EIPR1: variants seen among roughly 807,000 people sequenced by gnomAD.
The protein encoded by EIPR1 is EARP complex and GARP complex interacting protein 1.
EIPR1 carries 25 observed loss-of-function variants against 48.1 expected under a neutral mutation model. The observed-to-expected ratio is 0.52, with a 90% CI of 0.38 to 0.73. The LOEUF (loss-of-function observed/expected upper bound fraction) is 0.73, where lower values mean the gene tolerates loss of function less well. EIPR1 is among the 30% of genes least tolerant of loss of function. The pLI is 0.00. For missense variants in EIPR1, 415 were observed against 506.2 expected (o/e 0.82, Z 1.73); for synonymous variants, 204 against 201.9 (o/e 1.01, Z -0.09).
At chr2:3,339,881 C>T (rs970498272) in intron 2 of EIPR1, among the ~76,000 whole-genome samples, 28 of 152,324 alleles carry the variant, frequency 1.8e-4, no homozygotes, top group East Asian at 1.7e-3. Flanking sequence ...ACCCGGGAGG[C>T]GGAGCCTGCA....
At chr2:3,370,696 T>C (rs1450193919) in intron 1 of EIPR1, among the ~76,000 whole-genome samples, 1 of 151,892 alleles carries the variant, frequency 6.6e-6, no homozygotes, top group Non-Finnish European at 1.5e-5. Context: ...GAAAAAAGAA[T>C]AAAAAGAAAT....
At chr2:3,337,408 A>G (rs1183860656) in intron 3 of EIPR1, among the ~76,000 whole-genome samples, 1 of 152,200 alleles carries the variant, frequency 6.6e-6, no homozygotes, top group Admixed American at 6.5e-5. Flanking sequence ...ATGGTAGAGA[A>G]AGAGATCCTA....
At chr2:3,251,145 G>A (rs966779715) in intron 4 of EIPR1, among the ~76,000 whole-genome samples, 7 of 152,244 alleles carry the variant, frequency 4.6e-5, no homozygotes, top group African/African-American at 7.2e-5. Context: ...GGCGGCCAGC[G>A]GTCTGCTGAA....
At chr2:3,375,917 T>G (rs1204637331) in intron 1 of EIPR1, among the ~76,000 whole-genome samples, 1 of 152,184 alleles carries the variant, frequency 6.6e-6, no homozygotes. Context: ...ACTGGTCAAA[T>G]CCTATAGCAC....
At chr2:3,260,535 G>GAGGA (rs1667302212) in intron 3 of EIPR1, among the ~76,000 whole-genome samples, 1 of 126,560 alleles carries the variant, frequency 7.9e-6, no homozygotes, top group Non-Finnish European at 1.7e-5. Context: ...GGGAGGGAGG[G>GAGGA]AGGGAAGGAG....
intron 2 of EIPR1, among the ~76,000 whole-genome samples, chr2:3,346,630 A>G (rs1338796455): frequency 1.3e-5 from 2 of 152,222 alleles, no homozygotes; most frequent in Non-Finnish European, 2.9e-5. Flanking sequence ...CAGGAATCCT[A>G]TAACATGAAG....
In EIPR1 at chr2:3,283,960, A is replaced by AG. The variant is rs1558272131; in HGVS notation, c.260-26506_260-26505insC. On this transcript the variant is annotated intron_variant, in intron 3 of 8. Coordinates refer to ENST00000382125, the MANE Select transcript of EIPR1 (RefSeq NM_003310.5). Reference sequence around the variant, plus strand: ...GACTACATCTAAAAAAAAAAAAAAAAAAAAAGAAAGAAAGAAAAAAAGAAA... The same window carrying AG: ...GACTACATCTAAAAAAAAAAAAAAAAGAAAAAGAAAGAAAGAAAAAAAGAAA... Among the ~76,000 whole-genome samples, 139 of 151,190 alleles carry AG rather than the reference A, an allele frequency of 9.2e-4. 1 individual carries two copies. The highest frequency in any genetic ancestry group is 2.6e-3 in the African/African-American group (108 of 41,324).
chr2:3,258,788 T>A (rs952072447), intron 3 of EIPR1, among the ~76,000 whole-genome samples: 3 of 152,212 alleles, frequency 2.0e-5, no homozygotes, highest in African/African-American at 7.2e-5. Flanking sequence ...CCATTTTATA[T>A]ACCATATTGG....
intron 5 of EIPR1, among the ~76,000 whole-genome samples, chr2:3,210,642 T>G (rs1665415737): frequency 6.8e-6 from 1 of 146,050 alleles, no homozygotes; most frequent in South Asian, 2.3e-4. Context: ...TTTTTTTTTT[T>G]TTTTTTGAGA....
At chr2:3,256,022 ACT>A (rs1415380265) in intron 4 of EIPR1, among the ~76,000 whole-genome samples, 1 of 151,712 alleles carries the variant, frequency 6.6e-6, no homozygotes, top group African/African-American at 2.4e-5. Context: ...GGACTTTGGG[ACT>A]CTTCATCTGC....
intron 4 of EIPR1, among the ~76,000 whole-genome samples, chr2:3,230,648 A>G (rs1473864519): frequency 2.0e-5 from 3 of 152,174 alleles, no homozygotes; most frequent in African/African-American, 7.2e-5. Flanking sequence ...TCTTTCTCAA[A>G]GGTTAGTTGA....
chr2:3,343,275 G>A (rs2103359083), intron 2 of EIPR1, among the ~76,000 whole-genome samples: 1 of 152,312 alleles, frequency 6.6e-6, no homozygotes, highest in East Asian at 1.9e-4. Context: ...TGTTCTCAGG[G>A]CACCACCCTA....
intron 4 of EIPR1, among the ~76,000 whole-genome samples, chr2:3,248,460 G>C (rs914678477): frequency 5.3e-5 from 8 of 152,200 alleles, no homozygotes; most frequent in East Asian, 3.9e-4. Context: ...CAGGCGTGGT[G>C]GTGGGCGCCT....
chr2:3,340,394 C>G (rs1276855139), intron 2 of EIPR1, among the ~76,000 whole-genome samples: 1 of 152,218 alleles, frequency 6.6e-6, no homozygotes, highest in Non-Finnish European at 1.5e-5. Context: ...CCCGCCCTCT[C>G]CATTCGGGGA....
At chr2:3,371,687 C>T (rs62119557) in intron 1 of EIPR1, among the ~76,000 whole-genome samples, 24,502 of 152,138 alleles carry the variant, frequency 0.16, 2,207 homozygotes, top group Non-Finnish European at 0.2. Context: ...GCTAACTATC[C>T]TAAATATATA....
intron 3 of EIPR1, among the ~76,000 whole-genome samples, chr2:3,299,882 G>A (rs184281666): frequency 8.0e-4 from 122 of 152,274 alleles, no homozygotes; most frequent in African/African-American, 1.3e-3. Context: ...TCACAGTCGA[G>A]TGATCCTGGG....
At chr2:3,270,054 A>C (rs532422096) in intron 3 of EIPR1, among the ~76,000 whole-genome samples, 9 of 152,370 alleles carry the variant, frequency 5.9e-5, no homozygotes, top group African/African-American at 2.2e-4. Flanking sequence ...AACTCTGAGC[A>C]GGACACTTGG....
chr2:3,221,988 C>T (rs1335373115), intron 4 of EIPR1, among the ~76,000 whole-genome samples: 7 of 151,766 alleles, frequency 4.6e-5, no homozygotes, highest in African/African-American at 7.3e-5. Flanking sequence ...AATCCCCTCG[C>T]GGTTTTTTTT....
At chr2:3,196,085 T>C (rs986569818) in intron 6 of EIPR1, among the ~76,000 whole-genome samples, 42 of 152,232 alleles carry the variant, frequency 2.8e-4, no homozygotes, top group Non-Finnish European at 1.9e-4. Context: ...TTCCAGCTTC[T>C]GATTAGGAAA....
Sources: gnomAD v4.1 joint callset for allele counts (sites outside exome capture counted in the v4.1 genomes callset) on GRCh38, gnomAD v4.1.1 for gene constraint, MANE v1.5 for transcripts, NCBI Gene and HGNC (gene_info 2026-07-23, HGNC 2026-07-21) for gene names.